Variants in RAPH1 observed in about 807,000 individuals in gnomAD.
RAPH1 encodes the protein Ras association (RalGDS/AF-6) and pleckstrin homology domains 1, also known as ras-associated and pleckstrin homology domains-containing protein 1.
RAPH1 carries 18 observed loss-of-function variants against 88.1 expected under a neutral mutation model. That is an observed-to-expected ratio of 0.20 (90% confidence interval 0.14 to 0.30). The LOEUF is 0.30. Ranked by LOEUF, RAPH1 falls within the 10% of genes least tolerant of loss-of-function variation. The probability of loss-of-function intolerance (pLI) is 1.00; values close to 1 mark genes in which losing one functional copy is unlikely to be tolerated. For synonymous variants in RAPH1, 587 were observed against 559.0 expected, an observed-to-expected ratio of 1.05 and a Z score of -0.71; for missense variants, 1,448 against 1,543.2, an observed-to-expected ratio of 0.94 and a Z score of 1.03.
chr2:203,454,398 A>G (rs1375308997), intron 10 of RAPH1, 32 bp downstream of exon 10: 6 of 1,442,752 alleles, frequency 4.2e-6, no homozygotes, highest in South Asian at 2.4e-5. Context: ...TCTAACATCA[A>G]TTAAAATTCC....
rs938684978 is a variant in RAPH1, at chr2:203,434,120, G to A, written c.*5317C>T. ...GGGAGCAAGGCACATAATGAAATGA[G>A]CATACATTTATGCAGAAGAAAATAA... On this transcript the variant is annotated 3_prime_UTR_variant, in exon 14 of 14. Coordinates refer to ENST00000319170, the MANE Select transcript of RAPH1 (RefSeq NM_213589.3). The A allele has an allele frequency of 6.6e-6, 1 of 151,752 alleles. No homozygotes were observed. The highest frequency in any genetic ancestry group is 1.5e-5 in the Non-Finnish European group (1 of 67,950). 9.4% of individuals were successfully genotyped at this position (151,752 alleles called of 1,614,324 possible). A position where few individuals can be genotyped will look rare whatever the true frequency, so the allele number is the denominator to read the frequency against.
rs760307432 is a variant in RAPH1, at chr2:203,438,032, G to GTA, written c.*1403_*1404dup. On this transcript the variant is annotated 3_prime_UTR_variant, in exon 14 of 14. Coordinates refer to ENST00000319170, the MANE Select transcript of RAPH1 (RefSeq NM_213589.3). ...AATTCACAGAAAAAAGCATATAGAAGTATAGTGTGTCGTTAGAGCACTGAC... is the reference window on the plus strand; with the variant it reads ...AATTCACAGAAAAAAGCATATAGAAGTATATAGTGTGTCGTTAGAGCACTGAC... 7.1e-6 allele frequency: 3 copies of GTA among 424,112 alleles called. No individual in the cohort carries two copies. Among genetic ancestry groups the GTA allele is most frequent in the Middle Eastern group, 3.5e-4 (1 of 2,866 alleles). 26.3% of individuals were successfully genotyped at this position (424,112 alleles called of 1,614,324 possible).
At chr2:203,500,410 A>C (rs1688690470) in intron 1 of RAPH1, among the ~76,000 whole-genome samples, 1 of 152,182 alleles carries the variant, frequency 6.6e-6, no homozygotes, top group Non-Finnish European at 1.5e-5. Context: ...GGTGGTACAG[A>C]CTCATGGAAA....
intron 7 of RAPH1, among the ~76,000 whole-genome samples, chr2:203,459,671 C>A (rs541753011): frequency 6.6e-6 from 1 of 152,242 alleles, no homozygotes; most frequent in African/African-American, 2.4e-5. Context: ...AAACGGCTCA[C>A]CCCATCTGGT....
chr2:203,518,412 G>A (rs1689712482), intron 1 of RAPH1, among the ~76,000 whole-genome samples: 1 of 151,708 alleles, frequency 6.6e-6, no homozygotes, highest in South Asian at 2.1e-4. Flanking sequence ...CAGCTACTTG[G>A]GAGCCTGAGG....
chr2:203,487,459 C>A (rs1688022040), intron 4 of RAPH1, among the ~76,000 whole-genome samples: 1 of 151,914 alleles, frequency 6.6e-6, no homozygotes, highest in Non-Finnish European at 1.5e-5. Context: ...TGGCTCACTG[C>A]AACCTCCGAC....
intron 4 of RAPH1, among the ~76,000 whole-genome samples, chr2:203,484,641 A>G (rs1304064903): frequency 6.6e-6 from 1 of 152,236 alleles, no homozygotes; most frequent in East Asian, 1.9e-4. Flanking sequence ...ACTGGAGAAA[A>G]GCAGAGGAGC....
intron 1 of RAPH1, among the ~76,000 whole-genome samples, chr2:203,519,207 T>TCCC (rs1689756718): frequency 6.6e-6 from 1 of 152,006 alleles, no homozygotes; most frequent in Non-Finnish European, 1.5e-5. Context: ...AAGAAAACTA[T>TCCC]AAACCATTAT....
intron 1 of RAPH1, among the ~76,000 whole-genome samples, chr2:203,499,027 A>G (rs1327362471): frequency 3.3e-5 from 5 of 150,860 alleles, no homozygotes; most frequent in Non-Finnish European, 6.0e-5. Context: ...TGTGGAGTAG[A>G]CTATACCACC....
intron 1 of RAPH1, among the ~76,000 whole-genome samples, chr2:203,527,696 A>C (rs1690183425): frequency 6.7e-6 from 1 of 149,486 alleles, no homozygotes; most frequent in South Asian, 2.2e-4. Context: ...GCTGCTCGGG[A>C]GACTGAGGCA....
At chr2:203,475,462 T>C (rs568973397) in intron 4 of RAPH1, among the ~76,000 whole-genome samples, 1 of 152,076 alleles carries the variant, frequency 6.6e-6, no homozygotes, top group African/African-American at 2.4e-5. Flanking sequence ...GTAAAAAAAA[T>C]CAGATATCAA....
chr2:203,468,937 T>G (rs2098530856), intron 4 of RAPH1, among the ~76,000 whole-genome samples: 1 of 152,148 alleles, frequency 6.6e-6, no homozygotes, highest in South Asian at 2.1e-4. Flanking sequence ...GCAAAGATGA[T>G]CAGAGGGCTT....
rs959862411 is a variant in RAPH1, at chr2:203,475,059, C to T, written c.733-13134G>A. Reference sequence around the variant, plus strand: ...CCAGGAGGCAGAGATTGCAGTGAGCCGAGATGGCACCACTGTACTACAGCT... The same window carrying T: ...CCAGGAGGCAGAGATTGCAGTGAGCTGAGATGGCACCACTGTACTACAGCT... On this transcript the variant is annotated intron_variant, in intron 4 of 13. Coordinates refer to ENST00000319170, the MANE Select transcript of RAPH1 (RefSeq NM_213589.3). Among the ~76,000 whole-genome samples the T allele has an allele frequency of 7.9e-5, 12 of 152,186 alleles. 1 individual carries two copies. In the East Asian group the frequency reaches 2.1e-3, roughly 27 times the overall value.
At chr2:203,469,197 G>T (rs1290648658) in intron 4 of RAPH1, among the ~76,000 whole-genome samples, 1 of 152,186 alleles carries the variant, frequency 6.6e-6, no homozygotes, top group Non-Finnish European at 1.5e-5. Flanking sequence ...TAGGGAAAGA[G>T]TAAATAGAGA....
intron 1 of RAPH1, among the ~76,000 whole-genome samples, chr2:203,520,354 A>G (rs1689810502): frequency 6.6e-6 from 1 of 151,032 alleles, no homozygotes; most frequent in Non-Finnish European, 1.5e-5. Flanking sequence ...CACGCCAGGC[A>G]TGGTGGCTCA....
At chr2:203,514,800 C>T (rs916627618) in intron 1 of RAPH1, among the ~76,000 whole-genome samples, 6 of 151,844 alleles carry the variant, frequency 4.0e-5, no homozygotes, top group African/African-American at 4.8e-5. Flanking sequence ...ATGATCCACC[C>T]GCCTCAGCCT....
intron 4 of RAPH1, among the ~76,000 whole-genome samples, chr2:203,485,033 C>A (rs1174495003): frequency 6.6e-6 from 1 of 152,152 alleles, no homozygotes; most frequent in Non-Finnish European, 1.5e-5. Context: ...TCCATGGGAA[C>A]CAGCAGTACC....
chr2:203,506,427 G>C (rs898628970), intron 1 of RAPH1, among the ~76,000 whole-genome samples: 1 of 151,732 alleles, frequency 6.6e-6, no homozygotes, highest in African/African-American at 2.4e-5. Context: ...TTCCAGGGCA[G>C]GGCAGGGAAA....
At chr2:203,458,834 C>G (rs1346612760) in intron 7 of RAPH1, among the ~76,000 whole-genome samples, 1 of 151,912 alleles carries the variant, frequency 6.6e-6, no homozygotes, top group Admixed American at 6.6e-5. Context: ...ACAATCTCGG[C>G]TCAGTGCAAG....
Sources: allele counts gnomAD v4.1 joint callset (sites outside exome capture counted in the v4.1 genomes callset), GRCh38; gene constraint gnomAD v4.1.1; transcripts MANE v1.5; gene names NCBI Gene and HGNC (gene_info 2026-07-23, HGNC 2026-07-21).